The following ADAM18 variants were observed in gnomAD, a reference collection of about 807,000 sequenced individuals.
ADAM18 encodes the protein ADAM metallopeptidase domain 18, also known as disintegrin and metalloproteinase domain-containing protein 18.
Under a neutral mutation model 94.4 loss-of-function variants are expected in ADAM18, and 117 were observed. The observed-to-expected ratio is 1.24, with a 90% confidence interval of 1.07 to 1.45. The LOEUF is 1.45. Among genes scored for constraint, ADAM18 ranks in the 40% most tolerant of loss-of-function variants. The pLI is 0.00. For missense variants in ADAM18, 936 were observed against 880.0 expected, an observed-to-expected ratio of 1.06 and a Z score of -0.81; for synonymous variants, 327 against 291.6, an observed-to-expected ratio of 1.12 and a Z score of -1.24.
chr8:39,608,570 T>G (rs558728074), intron 3 of ADAM18, among the ~76,000 whole-genome samples: 1 of 152,144 alleles, frequency 6.6e-6, no homozygotes, highest in East Asian at 1.9e-4. Flanking sequence ...GGTTTATTCC[T>G]CAGGTATTTA....
Position 39,705,185 on chromosome 8 carries a change from A to C in ADAM18, c.1903-1605A>C, listed in dbSNP as rs79421396. On this transcript the variant is annotated intron_variant, in intron 17 of 19. Coordinates refer to ENST00000265707, the MANE Select transcript of ADAM18 (RefSeq NM_014237.3). ...TCTTTACACTGTACAGAATATTGTAAGGTTATCTTTTGTGTGTGTGTGTTC... is the reference window on the plus strand; with the variant it reads ...TCTTTACACTGTACAGAATATTGTACGGTTATCTTTTGTGTGTGTGTGTTC... 9.2e-3 allele frequency among the ~76,000 whole-genome samples: 1,394 copies of C among 152,156 alleles called. 31 individuals carry two copies. Among genetic ancestry groups the C allele is most frequent in the African/African-American group, 0.032 (1,319 of 41,530 alleles).
intron 18 of ADAM18, among the ~76,000 whole-genome samples, chr8:39,712,034 C>G (rs1231838720): frequency 7.3e-6 from 1 of 136,730 alleles, no homozygotes; most frequent in East Asian, 2.6e-4. Flanking sequence ...CAGAGAAGGC[C>G]CCCCCCCGAG....
intron 13 of ADAM18, among the ~76,000 whole-genome samples, chr8:39,667,208 C>A (rs1224677517): frequency 2.0e-5 from 3 of 151,938 alleles, no homozygotes; most frequent in Non-Finnish European, 4.4e-5. Flanking sequence ...TTGAGACCAG[C>A]CTGACTAACA....
At chr8:39,728,126 T>G (rs1822972309) in intron 19 of ADAM18, among the ~76,000 whole-genome samples, 1 of 151,964 alleles carries the variant, frequency 6.6e-6, no homozygotes, top group South Asian at 2.1e-4. Flanking sequence ...TTGCAAGAAC[T>G]CACTATTACC....
intron 2 of ADAM18, among the ~76,000 whole-genome samples, chr8:39,592,064 C>T (rs577911746): frequency 2.7e-4 from 41 of 152,212 alleles, no homozygotes; most frequent in African/African-American, 9.6e-4. Context: ...ATTTAGTAAA[C>T]CATATTATAG....
intron 16 of ADAM18, among the ~76,000 whole-genome samples, chr8:39,687,940 A>G (rs1054298289): frequency 1.3e-5 from 2 of 152,176 alleles, no homozygotes; most frequent in Non-Finnish European, 2.9e-5. Flanking sequence ...ATATGAATAC[A>G]TGTGTCTTTT....
intron 19 of ADAM18, 75 bp downstream of exon 19, chr8:39,723,982 C>A: frequency 1.1e-6 from 1 of 905,554 alleles, no homozygotes; most frequent in Non-Finnish European, 1.5e-6. Context: ...TTTTATATAA[C>A]ATTTGTTATA....
At chr8:39,729,509 C>T (rs1823014750) in intron 19 of ADAM18, among the ~76,000 whole-genome samples, 1 of 151,874 alleles carries the variant, frequency 6.6e-6, no homozygotes, top group Non-Finnish European at 1.5e-5. Context: ...ATTTTGTCTC[C>T]CTAAGCTGTA....
At chr8:39,636,689 T>G (rs1262808291) in intron 7 of ADAM18, among the ~76,000 whole-genome samples, 1 of 152,026 alleles carries the variant, frequency 6.6e-6, no homozygotes, top group Non-Finnish European at 1.5e-5. Flanking sequence ...AACAATATTG[T>G]TAATTGTAGT....
rs1365681834 is a variant in ADAM18, at chr8:39,635,955, CCTTTACTTATT to C, written c.589-1297_589-1287del. Among the ~76,000 whole-genome samples, 25 of 151,046 alleles carry C rather than the reference CCTTTACTTATT, an allele frequency of 1.7e-4. 1 individual carries two copies. Among genetic ancestry groups the C allele is most frequent in the Non-Finnish European group, 5.9e-5 (4 of 67,844 alleles). On this transcript the variant is annotated intron_variant, in intron 7 of 19. Transcript: ENST00000265707. ...ATTCTGAATGATTTTTGTACAAATG[CCTTTACTTATT>C]CTTTACTTATTATTTAAATATCTGT...
intron 2 of ADAM18, among the ~76,000 whole-genome samples, chr8:39,592,664 G>T (rs1004202107): frequency 1.3e-5 from 2 of 152,132 alleles, no homozygotes; most frequent in Admixed American, 1.3e-4. Flanking sequence ...ATAAAATGAT[G>T]AAGAAAATAG....
At chr8:39,700,840 C>T (rs1822047078) in intron 17 of ADAM18, among the ~76,000 whole-genome samples, 1 of 151,424 alleles carries the variant, frequency 6.6e-6, no homozygotes, top group African/African-American at 2.4e-5. Context: ...AACTATTGAC[C>T]CATATAAGTT....
chr8:39,725,974 G>A (rs1822895263), intron 19 of ADAM18, among the ~76,000 whole-genome samples: 1 of 151,848 alleles, frequency 6.6e-6, no homozygotes, highest in Non-Finnish European at 1.5e-5. Context: ...CACCAACATT[G>A]TACAAGAGTT....
At chr8:39,729,109 C>G (rs1823002643) in intron 19 of ADAM18, among the ~76,000 whole-genome samples, 1 of 151,954 alleles carries the variant, frequency 6.6e-6, no homozygotes, top group Non-Finnish European at 1.5e-5. Flanking sequence ...TTTGCATTTC[C>G]CTAATGATTA....
chr8:39,612,280 T>C (rs1819301379), intron 6 of ADAM18, among the ~76,000 whole-genome samples: 1 of 151,904 alleles, frequency 6.6e-6, no homozygotes, highest in South Asian at 2.1e-4. Flanking sequence ...GGAGGGAGGA[T>C]GTAGACCCTG....
chr8:39,615,174 A>G lies in ADAM18; in HGVS notation c.522+4468A>G, dbSNP rs990622630. Among the ~76,000 whole-genome samples, 5 of 152,116 alleles carry G rather than the reference A, an allele frequency of 3.3e-5. No individual in the cohort carries two copies. In the East Asian group the frequency reaches 5.8e-4, roughly 18 times the overall value. On this transcript the variant is annotated intron_variant, in intron 6 of 19. Transcript: ENST00000265707. ...TACATTTTTCTCATGTGCACATGGCATGTACTCTAAAATCAACCACATGCT... is the reference window on the plus strand; with the variant it reads ...TACATTTTTCTCATGTGCACATGGCGTGTACTCTAAAATCAACCACATGCT...
chr8:39,692,906 A>G (rs1418292070), intron 17 of ADAM18, among the ~76,000 whole-genome samples: 1 of 151,662 alleles, frequency 6.6e-6, no homozygotes, highest in Non-Finnish European at 1.5e-5. Flanking sequence ...AAATAAAAAC[A>G]TTTATTCTTC....
rs1286632602 is a variant in ADAM18 at position 39,622,522 on chromosome 8, C to T, written c.523-6852C>T. ...CTAAGAAAATAAAGCACATGAGAATCTATCAAGAGCAATTATTTTACTTAT... is the reference window on the plus strand; with the variant it reads ...CTAAGAAAATAAAGCACATGAGAATTTATCAAGAGCAATTATTTTACTTAT... On this transcript the variant is annotated intron_variant, in intron 6 of 19. Transcript: ENST00000265707. Among the ~76,000 whole-genome samples the T allele has an allele frequency of 2.0e-5, 3 of 151,788 alleles. No individual in the cohort carries two copies. In the East Asian group the frequency reaches 5.8e-4, roughly 29 times the overall value.
rs574326274 is a variant in ADAM18 at position 39,617,460 on chromosome 8, C to T, written c.522+6754C>T. Among the ~76,000 whole-genome samples the T allele has an allele frequency of 3.3e-5, 5 of 152,260 alleles. No homozygotes were observed. The East Asian group carries it at 9.7e-4, about 29-fold the overall frequency. On this transcript the variant is annotated intron_variant, in intron 6 of 19. Transcript: ENST00000265707. ...AATTTCTCAGAGAACATGGAACTAT[C>T]ATTCGACCCAGCAACTCCATTATTG... is the stretch of plus-strand genomic sequence containing the variant.
Sources: allele counts gnomAD v4.1 joint callset (sites outside exome capture counted in the v4.1 genomes callset), GRCh38; gene constraint gnomAD v4.1.1; transcripts MANE v1.5; gene names NCBI Gene and HGNC (gene_info 2026-07-23, HGNC 2026-07-21).